The following ASTN2 variants were observed in gnomAD, a reference collection of about 807,000 sequenced individuals.
ASTN2 encodes the protein astrotactin-2.
Under a neutral mutation model 139.8 loss-of-function variants are expected in ASTN2, and 54 were observed. That is an observed-to-expected ratio of 0.39 (90% CI 0.31 to 0.48). The LOEUF (loss-of-function observed/expected upper bound fraction) is 0.48, where lower values mean the gene tolerates loss of function less well. Ranked by LOEUF, ASTN2 falls within the 20% of genes least tolerant of loss-of-function variation. The pLI, the probability that ASTN2 is intolerant of heterozygous loss-of-function variation, is 0.95. For synonymous variants in ASTN2, 756 were observed against 719.5 expected (o/e 1.05, Z -0.81); for missense variants, 1,565 against 1,725.1 (o/e 0.91, Z 1.64).
intron 11 of ASTN2, among the ~76,000 whole-genome samples, chr9:116,839,881 ATTTTTTT>A (rs71502081): frequency 7.8e-6 from 1 of 127,982 alleles, no homozygotes; most frequent in African/African-American, 3.0e-5. Context: ...TATTATTATT[ATTTTTTT>A]TTTTTTAATT....
chr9:117,313,645 T>C (rs1021152376), intron 1 of ASTN2, among the ~76,000 whole-genome samples: 2 of 152,122 alleles, frequency 1.3e-5, no homozygotes, highest in African/African-American at 4.8e-5. Context: ...GTGCCACTGA[T>C]TGATAAATGG....
At chr9:116,504,895 C>A (rs1010830740) in intron 19 of ASTN2, among the ~76,000 whole-genome samples, 821 of 91,162 alleles carry the variant, frequency 9.0e-3, no homozygotes, top group Admixed American at 0.011. Flanking sequence ...AATCCTGTCT[C>A]AAAAAAAAAA....
rs549722715 is a variant in ASTN2 at position 117,060,308 on chromosome 9, C to T, written c.1277-20343G>A. Reference sequence around the variant, plus strand: ...CCTGGGCAAAAGAGCAAGACTCTGTCAAAAAAGAAAAAAGAAAGAAAGAAA... The same window carrying T: ...CCTGGGCAAAAGAGCAAGACTCTGTTAAAAAAGAAAAAAGAAAGAAAGAAA... On this transcript the variant is annotated intron_variant, in intron 5 of 22. Transcript: ENST00000313400. Among the ~76,000 whole-genome samples the T allele has an allele frequency of 6.1e-4, 64 of 104,422 alleles. No individual in the cohort carries two copies. In the South Asian group the frequency reaches 0.012, roughly 20 times the overall value. 68.5% of individuals were successfully genotyped at this position (104,422 alleles called of 152,430 possible).
At chr9:116,448,944 G>C (rs1057112127) in intron 20 of ASTN2, among the ~76,000 whole-genome samples, 4 of 152,178 alleles carry the variant, frequency 2.6e-5, no homozygotes, top group Non-Finnish European at 5.9e-5. Flanking sequence ...CACTCAAGTA[G>C]TAGAAAGAGT....
chr9:117,106,848 T>C (rs918832508), intron 4 of ASTN2, among the ~76,000 whole-genome samples: 2 of 152,176 alleles, frequency 1.3e-5, no homozygotes, highest in East Asian at 1.9e-4. Flanking sequence ...GGAATACATA[T>C]TGGGGTTAAA....
chr9:116,871,015 T>C (rs957418046), intron 10 of ASTN2, among the ~76,000 whole-genome samples: 8 of 152,068 alleles, frequency 5.3e-5, no homozygotes, highest in African/African-American at 9.7e-5. Flanking sequence ...TCCCAGCACA[T>C]TGGGAGGCCG....
rs2132073931 is a variant in ASTN2, at chr9:116,698,847, G to A, written c.2806+26924C>T. On this transcript the variant is annotated intron_variant, in intron 16 of 22. Transcript: ENST00000313400. The surrounding 1 kb of genome is among the most constrained non-coding windows in gnomAD (Gnocchi z 4.4). The stretch of plus-strand genomic sequence containing the variant: ...GATGGGGGCCAAAGGCAGCACTCCA[G>A]GAATGTTCAATCTTCCAGTCAGTCT... The A allele has an allele frequency of 3.1e-6, 5 of 1,614,224 alleles. No homozygotes were observed. The highest frequency in any genetic ancestry group is 4.2e-6 in the Non-Finnish European group (5 of 1,180,052).
intron 10 of ASTN2, among the ~76,000 whole-genome samples, chr9:116,871,486 T>C (rs1291577984): frequency 1.3e-5 from 2 of 152,174 alleles, no homozygotes; most frequent in African/African-American, 4.8e-5. Context: ...CAATGACCCT[T>C]GTGTTGGGAA....
rs370108291 is a variant in ASTN2, at chr9:117,377,402, A to C, written c.442+37095T>G. Among the ~76,000 whole-genome samples, 11 of 152,306 alleles carry C rather than the reference A, an allele frequency of 7.2e-5. No homozygotes were observed. In the East Asian group the frequency reaches 1.7e-3, roughly 24 times the overall value. ...TGGGGCAGGACCCGCCTCACCTGTA[A>C]ACAGAATTGCTAATGGCTTGCAGAG... On this transcript the variant is annotated intron_variant, in intron 1 of 22. Coordinates refer to ENST00000313400, the MANE Select transcript of ASTN2 (RefSeq NM_001365068.1).
At chr9:116,523,553 T>C (rs1330481276) in intron 19 of ASTN2, among the ~76,000 whole-genome samples, 1 of 152,176 alleles carries the variant, frequency 6.6e-6, no homozygotes, top group Non-Finnish European at 1.5e-5. Flanking sequence ...ATGCCTCCTT[T>C]GCAGCACTGT....
At chr9:116,662,945 C>G (rs1324682216) in intron 16 of ASTN2, among the ~76,000 whole-genome samples, 1 of 152,128 alleles carries the variant, frequency 6.6e-6, no homozygotes, top group Non-Finnish European at 1.5e-5. Context: ...AAGACTGACT[C>G]CAAAGCCCCT....
rs1175638128 is a variant in ASTN2, at chr9:116,733,533, G to A, written c.2397-10C>T. ...GATGAAGTTGTTCTCCCTGTGGAGA[G>A]GAGCAGAGAGACTGCCAAATCGAGG... On this transcript the variant is annotated splice_polypyrimidine_tract_variant and intron_variant, in intron 13 of 22. Transcript: ENST00000313400. 6.2e-7 allele frequency: 1 copy of A among 1,614,104 alleles called. No homozygotes were observed. The highest frequency in any genetic ancestry group is 8.5e-7 in the Non-Finnish European group (1 of 1,179,960).
chr9:116,523,042 A>T (rs1850943442), intron 19 of ASTN2, among the ~76,000 whole-genome samples: 1 of 152,106 alleles, frequency 6.6e-6, no homozygotes, highest in Non-Finnish European at 1.5e-5. Flanking sequence ...AGGAACAAAG[A>T]CCCCAAAACT....
chr9:116,630,936 G>T (rs1450396698), intron 17 of ASTN2, among the ~76,000 whole-genome samples: 1 of 151,896 alleles, frequency 6.6e-6, no homozygotes, highest in Admixed American at 6.6e-5. Context: ...TATAAAAGTG[G>T]CCAAGTATAT....
chr9:116,932,164 C>T (rs897959099), intron 10 of ASTN2, among the ~76,000 whole-genome samples: 1 of 152,104 alleles, frequency 6.6e-6, no homozygotes, highest in African/African-American at 2.4e-5. Flanking sequence ...GATGCAGGTG[C>T]TTTCTGAAGA....
chr9:117,239,593 C>T (rs796461225), intron 2 of ASTN2, among the ~76,000 whole-genome samples: 5 of 152,198 alleles, frequency 3.3e-5, no homozygotes, highest in Non-Finnish European at 7.3e-5. Context: ...AACCCCCCTC[C>T]ATCCCATCCC....
intron 7 of ASTN2, among the ~76,000 whole-genome samples, chr9:116,982,369 T>C (rs1836535668): frequency 6.6e-6 from 1 of 152,168 alleles, no homozygotes; most frequent in South Asian, 2.1e-4. Flanking sequence ...ACATTTCTTC[T>C]TGCTGAGAAC....
At chr9:116,846,937 G>C (rs1041246441) in intron 11 of ASTN2, among the ~76,000 whole-genome samples, 2 of 145,242 alleles carry the variant, frequency 1.4e-5, no homozygotes, top group Admixed American at 1.4e-4. Flanking sequence ...ACACAGCAAG[G>C]GTTCAGTTCA....
At chr9:116,856,696 C>T (rs1832750508) in intron 11 of ASTN2, among the ~76,000 whole-genome samples, 1 of 152,208 alleles carries the variant, frequency 6.6e-6, no homozygotes, top group Non-Finnish European at 1.5e-5. Flanking sequence ...TCTCTCAGCA[C>T]CTGTGCAATC....
Sources: gnomAD v4.1 joint callset for allele counts (sites outside exome capture counted in the v4.1 genomes callset) on GRCh38, gnomAD v4.1.1 for gene constraint, Gnocchi (gnomAD v3.1) non-coding constraint, MANE v1.5 for transcripts, NCBI Gene and HGNC (gene_info 2026-07-23, HGNC 2026-07-21) for gene names.